FOCAD: variants seen among roughly 807,000 people sequenced by gnomAD.
FOCAD encodes the protein focadhesin, also known as KIAA1797.
A neutral mutation model predicts 225.6 loss-of-function variants in FOCAD; 198 were observed. That is an observed-to-expected ratio of 0.88 (90% CI 0.78 to 0.99). FOCAD has a LOEUF of 0.99. Among genes scored for constraint, FOCAD ranks in the 50% least tolerant of loss-of-function variants. The probability of loss-of-function intolerance (pLI) is 0.00; values close to 1 mark genes in which losing one functional copy is unlikely to be tolerated. For missense variants in FOCAD, 2,713 were observed against 2,123.6 expected (o/e 1.28, Z -5.46); for synonymous variants, 897 against 755.0 (o/e 1.19, Z -3.08).
At chr9:20,797,646 T>C (rs1441443863) in intron 11 of FOCAD, among the ~76,000 whole-genome samples, 1 of 152,150 alleles carries the variant, frequency 6.6e-6, no homozygotes, top group Non-Finnish European at 1.5e-5. Context: ...ATGCTTGTGA[T>C]TTTTGCATTG....
At chr9:20,979,647 T>C (rs1840516806) in intron 37 of FOCAD, among the ~76,000 whole-genome samples, 1 of 152,078 alleles carries the variant, frequency 6.6e-6, no homozygotes, top group South Asian at 2.1e-4. Flanking sequence ...CCTGTTTTTG[T>C]TTTTTTAAAC....
chr9:20,749,810 C>T (rs1369317380), intron 5 of FOCAD, among the ~76,000 whole-genome samples: 2 of 152,098 alleles, frequency 1.3e-5, no homozygotes, highest in Non-Finnish European at 1.5e-5. Context: ...CTAAAGGTTA[C>T]AAATAACTTT....
At chr9:20,801,476 C>G (rs1434030246) in intron 11 of FOCAD, among the ~76,000 whole-genome samples, 1 of 152,030 alleles carries the variant, frequency 6.6e-6, no homozygotes, top group Non-Finnish European at 1.5e-5. Flanking sequence ...GCCACTGCGC[C>G]CACCCTGGAA....
At chr9:20,711,898 G>A (rs1324548279) in intron 1 of FOCAD, among the ~76,000 whole-genome samples, 2 of 152,196 alleles carry the variant, frequency 1.3e-5, no homozygotes, top group African/African-American at 4.8e-5. Context: ...CACTCGAGGA[G>A]CAGAGTGGAC....
At chr9:20,724,816 C>G (rs1826064194) in intron 4 of FOCAD, among the ~76,000 whole-genome samples, 1 of 152,048 alleles carries the variant, frequency 6.6e-6, no homozygotes. Flanking sequence ...GCCTCCTCCT[C>G]CAAAATGAAC....
chr9:20,874,866 T>G lies in FOCAD; in HGVS notation c.2317+59T>G, dbSNP rs563172474. ...TTTTTAGTGGTTCGATTTGTCTGAT[T>G]GTATTCTTTTGTGATAGGTACATAG... On this transcript the variant is annotated intron_variant, in intron 19 of 43. Transcript: ENST00000338382. 1.6e-5 allele frequency: 25 copies of G among 1,598,204 alleles called. No individual in the cohort carries two copies. The South Asian group carries it at 2.3e-4, about 15-fold the overall frequency.
chr9:20,964,680 C>T lies in FOCAD; in HGVS notation c.4132+11615C>T, dbSNP rs1158877031. Among the ~76,000 whole-genome samples the T allele has an allele frequency of 3.9e-5, 6 of 152,134 alleles. No individual in the cohort carries two copies. The East Asian group carries it at 7.8e-4, about 20-fold the overall frequency. ...CCTCCCAAGTAGCTGGGACAACAGG[C>T]GCATGCCACCACGCCCAGCTAATTT... On this transcript the variant is annotated intron_variant, in intron 35 of 43. Coordinates refer to ENST00000338382, the MANE Select transcript of FOCAD (RefSeq NM_001375567.1).
At chr9:20,738,738 T>A (rs1030616089) in intron 4 of FOCAD, among the ~76,000 whole-genome samples, 1 of 152,206 alleles carries the variant, frequency 6.6e-6, no homozygotes, top group African/African-American at 2.4e-5. Context: ...ACAGCAGTGC[T>A]GTGAAATAGA....
At chr9:20,953,342 A>C (rs1211227205) in intron 35 of FOCAD, among the ~76,000 whole-genome samples, 2 of 152,220 alleles carry the variant, frequency 1.3e-5, no homozygotes. Context: ...TTTCCAAAGT[A>C]TAAGCACAGA....
Position 20,808,007 on chromosome 9 carries a change from C to A in FOCAD, c.1456-11789C>A, listed in dbSNP as rs937132300. 9.8e-4 allele frequency among the ~76,000 whole-genome samples: 149 copies of A among 151,290 alleles called. 4 individuals are homozygous for A. The highest frequency in any genetic ancestry group is 1.2e-4 in the Non-Finnish European group (8 of 67,854). On this transcript the variant is annotated intron_variant, in intron 11 of 43. Coordinates refer to ENST00000338382, the MANE Select transcript of FOCAD (RefSeq NM_001375567.1). ...CCAAGGTTGTAGTGAACTGAGATGG[C>A]GCCACTGTATTCTAGGGCGACAGAG...
At chr9:20,684,040 T>TC (rs1822499600), upstream of FOCAD, 2 of 152,286 alleles carry the variant, frequency 1.3e-5, no homozygotes, top group East Asian at 3.9e-4. Flanking sequence ...CGCGCAGCCC[T>TC]CCCCGCACCA....
chr9:20,815,048 T>C (rs1243683023), intron 11 of FOCAD, among the ~76,000 whole-genome samples: 1 of 151,550 alleles, frequency 6.6e-6, no homozygotes, highest in African/African-American at 2.4e-5. Flanking sequence ...ACTTTTAGTA[T>C]TTTTTGTAAG....
chr9:20,741,832 A>G (rs1460609026), intron 5 of FOCAD, among the ~76,000 whole-genome samples: 1 of 152,142 alleles, frequency 6.6e-6, no homozygotes, highest in African/African-American at 2.4e-5. Context: ...TTTTAAAAAG[A>G]AATTCAAACT....
chr9:20,736,300 A>T (rs1400200116), intron 4 of FOCAD, among the ~76,000 whole-genome samples: 1 of 152,132 alleles, frequency 6.6e-6, no homozygotes, highest in African/African-American at 2.4e-5. Context: ...AAGCTTTTTC[A>T]ATTTGAAGAT....
intron 11 of FOCAD, among the ~76,000 whole-genome samples, chr9:20,812,335 CATT>C (rs1823173662): frequency 6.7e-6 from 1 of 148,470 alleles, no homozygotes; most frequent in African/African-American, 2.4e-5. Flanking sequence ...TAGTTATAAA[CATT>C]ATGTATTGTC....
chr9:20,733,625 C>A (rs981517243), intron 4 of FOCAD, among the ~76,000 whole-genome samples: 1 of 151,984 alleles, frequency 6.6e-6, no homozygotes, highest in African/African-American at 2.4e-5. Context: ...TTTGTCCTTG[C>A]GATAGTTTAC....
intron 11 of FOCAD, among the ~76,000 whole-genome samples, chr9:20,818,855 C>G (rs1355569514): frequency 6.6e-6 from 1 of 151,946 alleles, no homozygotes; most frequent in East Asian, 1.9e-4. Context: ...ATTTAGGGTT[C>G]CTTGCTTTTA....
intron 10 of FOCAD, among the ~76,000 whole-genome samples, chr9:20,788,210 C>G (rs1029886709): frequency 3.9e-5 from 6 of 152,154 alleles, no homozygotes; most frequent in Non-Finnish European, 5.9e-5. Context: ...AGAAGCTGGT[C>G]ACAAAGGACC....
At chr9:20,756,154 G>A (rs865940565) in intron 5 of FOCAD, among the ~76,000 whole-genome samples, 5 of 152,130 alleles carry the variant, frequency 3.3e-5, no homozygotes, top group Non-Finnish European at 5.9e-5. Flanking sequence ...ATTTTGATAC[G>A]ATTTCTGAGT....
Sources: allele counts gnomAD v4.1 joint callset (sites outside exome capture counted in the v4.1 genomes callset), GRCh38; gene constraint gnomAD v4.1.1; transcripts MANE v1.5; gene names NCBI Gene and HGNC (gene_info 2026-07-23, HGNC 2026-07-21).